The following MSH6 variants were observed in gnomAD, a reference collection of about 807,000 sequenced individuals.
MSH6 encodes the protein mutS homolog 6, also known as DNA mismatch repair protein Msh6.
Under a neutral mutation model 119.1 loss-of-function variants are expected in MSH6, and 85 were observed. The ratio of observed to expected loss-of-function variants is 0.71; its 90% CI spans 0.60 to 0.85. MSH6 has a LOEUF of 0.85. Ranked by LOEUF, MSH6 falls within the 40% of genes least tolerant of loss-of-function variation. The pLI, the probability that MSH6 is intolerant of heterozygous loss-of-function variation, is 0.00. For synonymous variants in MSH6, 830 were observed against 586.9 expected, an observed-to-expected ratio of 1.41 and a Z score of -5.99; for missense variants, 2,163 against 1,655.3, an observed-to-expected ratio of 1.31 and a Z score of -5.32.
intron 9 of MSH6, 58 bp downstream of exon 9, chr2:47,806,709 G>GT: frequency 6.5e-7 from 1 of 1,549,964 alleles, no homozygotes; most frequent in Non-Finnish European, 8.8e-7. Context: ...CAAAGAAACA[G>GT]TAAAAGGGGA....
chr2:47,793,391 A>G (rs2104170031), intron 2 of MSH6, among the ~76,000 whole-genome samples: 1 of 138,468 alleles, frequency 7.2e-6, no homozygotes, highest in East Asian at 2.3e-4. Flanking sequence ...ACACTTTGGG[A>G]GGCCCAGGCG....
rs55781315 is a variant in MSH6 at position 47,795,676 on chromosome 2, G to A, written c.458-218G>A. On this transcript the variant is annotated intron_variant, in intron 2 of 9. Transcript: ENST00000234420. The stretch of plus-strand genomic sequence containing the variant: ...GGTAGAGATGGGGTTTCACCACATT[G>A]CCCAGGCTGGTCTTGAATTCCTGAC... Among the ~76,000 whole-genome samples the A allele has an allele frequency of 3.0e-4, 46 of 151,702 alleles. No individual in the cohort carries two copies. In the East Asian group the frequency reaches 8.4e-3, roughly 28 times the overall value.
chr2:47,786,323 A>C (rs1668343576), intron 1 of MSH6, among the ~76,000 whole-genome samples: 1 of 151,994 alleles, frequency 6.6e-6, no homozygotes, highest in African/African-American at 2.4e-5. Flanking sequence ...TAAGCCTTAA[A>C]ACATGTTGAG....
At chr2:47,805,394 C>T (rs538290639) in intron 6 of MSH6, among the ~76,000 whole-genome samples, 10 of 152,202 alleles carry the variant, frequency 6.6e-5, no homozygotes, top group African/African-American at 2.2e-4. Flanking sequence ...TTAGGCTGGT[C>T]TCTTAACTCC....
intron 1 of MSH6, among the ~76,000 whole-genome samples, chr2:47,788,643 C>T (rs1370041493): frequency 7.2e-6 from 1 of 137,974 alleles, no homozygotes; most frequent in Middle Eastern, 4.3e-3. Context: ...GATCTGGGCT[C>T]ACTGCAACCT....
At chr2:47,784,761 T>G (rs1668246667) in intron 1 of MSH6, 1 of 151,244 alleles carries the variant, frequency 6.6e-6, no homozygotes, top group African/African-American at 2.4e-5. Context: ...GCGCCCGGTC[T>G]GTTTAGGGCT....
rs776198410 is a variant in MSH6 at position 47,800,148 on chromosome 2, C to T, written c.2165C>T (p.Ser722Phe). The T allele has an allele frequency of 2.5e-6, 4 of 1,614,174 alleles. No homozygotes were observed. The highest frequency in any genetic ancestry group is 2.2e-5 in the East Asian group (1 of 44,876). ...LDSDTVSTTR[S>F]GAIFTKAYQR... ...TCTGACACAGTCAGCACTACAAGATCTGGTGCTATCTTCACCAAAGCCTAT... is the reference window on the plus strand; with the variant it reads ...TCTGACACAGTCAGCACTACAAGATTTGGTGCTATCTTCACCAAAGCCTAT... Residue 722 changes from serine (S) to phenylalanine (F), a missense_variant, in exon 4 of 10, where the codon TCT becomes TTT. Transcript: ENST00000234420.
chr2:47,798,044 A>C (rs1379014137), intron 3 of MSH6: 1 of 213,032 alleles, frequency 4.7e-6, no homozygotes, highest in Non-Finnish European at 9.8e-6. Context: ...TTCTTGTATT[A>C]TGTCACTTTG....
Position 47,801,022 on chromosome 2 carries a change from G to GA in MSH6, c.3041dup (p.Leu1015ValfsTer3). On this transcript the variant is annotated frameshift_variant, in exon 4 of 10. Coordinates refer to ENST00000234420, the MANE Select transcript of MSH6 (RefSeq NM_000179.3). LOFTEE classifies it high-confidence loss of function. ...GATACTGGACCAAAACTATTGAAAA[G>GA]AAGTTGGCTAATCTCATAAATGCTG... 1 of 1,576,658 alleles carries GA rather than the reference G, an allele frequency of 6.3e-7. No homozygotes were observed. Among genetic ancestry groups the GA allele is most frequent in the Non-Finnish European group, 8.6e-7 (1 of 1,162,632 alleles).
chr2:47,800,356 T>C lies in MSH6; in HGVS notation c.2373T>C (p.Arg791=), dbSNP rs543201797. 2.5e-6 allele frequency: 4 copies of C among 1,614,096 alleles called. No individual in the cohort carries two copies. The highest frequency in any genetic ancestry group is 4.5e-5 in the East Asian group (2 of 44,876). ...GTAACCATTATGCTATTAATGATCG[T>C]CTAGATGCCATAGAAGACCTCATGG... The part of the protein sequence containing the change: ...PLCNHYAIND[R]LDAIEDLMVV... Residue 791 remains arginine, a synonymous_variant, in exon 4 of 10, where the codon CGT becomes CGC. Transcript: ENST00000234420.
rs754767434 is a variant in MSH6, at chr2:47,791,142, A to ATG, written c.457+29_457+30dup. On this transcript the variant is annotated intron_variant, in intron 2 of 9. Coordinates refer to ENST00000234420, the MANE Select transcript of MSH6 (RefSeq NM_000179.3). ...TATACAGGTAAGAGTCACTACTGCC[A>ATG]TGTGTGTGTGTTTGTGTGTGTGTGT... 5 of 1,602,296 alleles carry ATG rather than the reference A, an allele frequency of 3.1e-6. No individual in the cohort carries two copies. The African/African-American group carries it at 5.4e-5, about 17-fold the overall frequency.
chr2:47,805,779 AAG>A, intron 7 of MSH6, 72 bp downstream of exon 7: 1 of 1,179,612 alleles, frequency 8.5e-7, no homozygotes, highest in Non-Finnish European at 1.3e-6. Flanking sequence ...ATTTTTATAG[AAG>A]ATTATCTGAA....
At chr2:47,796,964 C>A (rs552854871) in intron 3 of MSH6, among the ~76,000 whole-genome samples, 1 of 152,018 alleles carries the variant, frequency 6.6e-6, no homozygotes, top group Non-Finnish European at 1.5e-5. Flanking sequence ...GGTGACAGAG[C>A]AAGAAGACTG....
At chr2:47,808,030 G>A, downstream of MSH6, 2 of 1,207,706 alleles carry the variant, frequency 1.7e-6, no homozygotes, top group Non-Finnish European at 2.3e-6. Flanking sequence ...TCTTCCTGTA[G>A]CATGGGCAAA....
downstream of MSH6, chr2:47,807,778 T>TG: frequency 3.9e-6 from 1 of 255,044 alleles, no homozygotes; most frequent in African/African-American, 2.2e-5. Context: ...GCTTGTCTAT[T>TG]GAAGATTACT....
Position 47,806,843 on chromosome 2 carries a change from T to G in MSH6, c.4066T>G (p.Leu1356Val), listed in dbSNP as rs1226221560. The change falls in exon 10 of 10, where the codon TTG becomes GTG. Residue 1356 changes from leucine to valine, a missense_variant. Physicochemically the swap from Leu to Val is conservative, Grantham distance 32. Coordinates refer to ENST00000234420, the MANE Select transcript of MSH6 (RefSeq NM_000179.3). ...DAEAVHKLLT[L>V]IKEL is the part of the protein sequence containing the mutation. The stretch of plus-strand genomic sequence containing the variant: ...TGAAGCTGTCCATAAATTGCTGACT[T>G]TGATTAAGGAATTATAGACTGACTA... 6.2e-7 allele frequency: 1 copy of G among 1,611,880 alleles called. No homozygotes were observed.
At position 47,806,950 on chromosome 2, in the gene MSH6, A is replaced by G; in HGVS notation, c.*90A>G. 1 of 1,023,208 alleles carries G rather than the reference A, an allele frequency of 9.8e-7. No homozygotes were observed. The highest frequency in any genetic ancestry group is 1.5e-6 in the Non-Finnish European group (1 of 665,366). The allele number at this position is 1,023,208 out of a possible 1,614,324, so 63.4% of individuals were successfully genotyped here. On this transcript the variant is annotated 3_prime_UTR_variant, in exon 10 of 10. Coordinates refer to ENST00000234420, the MANE Select transcript of MSH6 (RefSeq NM_000179.3). ...ATCTAATAAACTTTATTTTTTAAAA[A>G]TGACCATTTTTCCATTTTCTTTCTA...
chr2:47,801,232 A>C (rs1260068510), intron 4 of MSH6, 77 bp downstream of exon 4: 1 of 1,462,808 alleles, frequency 6.8e-7, no homozygotes, highest in East Asian at 2.3e-5. Context: ...CCCTAAAAAT[A>C]AGTAATAAGG....
At chr2:47,787,989 A>C (rs917170149) in intron 1 of MSH6, among the ~76,000 whole-genome samples, 2 of 152,126 alleles carry the variant, frequency 1.3e-5, no homozygotes, top group East Asian at 1.9e-4. Flanking sequence ...TTTACACACA[A>C]AAAAAATTTG....
Sources: gnomAD v4.1 joint callset for allele counts (sites outside exome capture counted in the v4.1 genomes callset) on GRCh38, gnomAD v4.1.1 for gene constraint, MANE v1.5 for transcripts, NCBI Gene and HGNC (gene_info 2026-07-23, HGNC 2026-07-21) for gene names.